The following PLEKHG1 variants were observed in gnomAD, a reference collection of about 807,000 sequenced individuals.
PLEKHG1 encodes pleckstrin homology and RhoGEF domain containing G1.
In PLEKHG1, 44 loss-of-function variants were observed where a neutral mutation model predicts 100.8. The ratio of observed to expected loss-of-function variants is 0.44; its 90% CI spans 0.34 to 0.56. The LOEUF (loss-of-function observed/expected upper bound fraction) is 0.56, where lower values mean the gene tolerates loss of function less well. PLEKHG1 is among the 20% of genes least tolerant of loss of function. The pLI is 0.01. For missense variants in PLEKHG1, 1,545 were observed against 1,720.9 expected, an observed-to-expected ratio of 0.90 and a Z score of 1.81; for synonymous variants, 640 against 662.5, an observed-to-expected ratio of 0.97 and a Z score of 0.52.
At chr6:150,710,987 G>A (rs1781222661) in intron 3 of PLEKHG1, among the ~76,000 whole-genome samples, 1 of 152,176 alleles carries the variant, frequency 6.6e-6, no homozygotes, top group Admixed American at 6.5e-5. Flanking sequence ...CCTTCAGTGT[G>A]TCTGCCTGGC....
chr6:150,755,258 G>A (rs1783768171), intron 2 of PLEKHG1, among the ~76,000 whole-genome samples: 1 of 152,112 alleles, frequency 6.6e-6, no homozygotes. Flanking sequence ...CTATAGGCAT[G>A]AGCCACCGCG....
At chr6:150,649,648 G>A (rs1244132212) in intron 2 of PLEKHG1, among the ~76,000 whole-genome samples, 6 of 152,106 alleles carry the variant, frequency 3.9e-5, no homozygotes, top group African/African-American at 1.2e-4. Flanking sequence ...AGGCCGAGGC[G>A]GGCAGATCAC....
chr6:150,822,637 C>T (rs1776369844), intron 13 of PLEKHG1, among the ~76,000 whole-genome samples: 1 of 152,180 alleles, frequency 6.6e-6, no homozygotes. Flanking sequence ...CAAGAGTGTC[C>T]ACGTATATTT....
At position 150,636,709 on chromosome 6, in the gene PLEKHG1, TTC is replaced by T. The variant is rs1778017783; in HGVS notation, c.-203-1367_-203-1366del. ...TCTAGGTTGTTCTCATTTTGAAATA[TTC>T]TCTGTTAGAAGTTAGATACCTTGTG... On this transcript the variant is annotated intron_variant, in intron 1 of 3. Transcript: ENST00000367326. Among the ~76,000 whole-genome samples the T allele has an allele frequency of 3.3e-5, 5 of 152,312 alleles. No homozygotes were observed. The South Asian group carries it at 1.0e-3, about 32-fold the overall frequency.
intron 2 of PLEKHG1, among the ~76,000 whole-genome samples, chr6:150,764,144 T>C (rs1287469078): frequency 6.8e-6 from 1 of 146,534 alleles, no homozygotes; most frequent in Non-Finnish European, 1.5e-5. Flanking sequence ...TAAGACAGAG[T>C]TTAGCTCTTG....
chr6:150,839,789 G>C lies in PLEKHG1; in HGVS notation c.3095-44G>C. On this transcript the variant is annotated intron_variant, in intron 15 of 15. Coordinates refer to ENST00000358517, the Ensembl canonical transcript of PLEKHG1. ...TCTTATTTTTAATCTTCACGTATAG[G>C]AATTATCCTGTGTGTATTTACTGTT... 5 of 1,168,600 alleles carry C rather than the reference G, an allele frequency of 4.3e-6. 1 individual carries two copies. The South Asian group carries it at 5.4e-5, about 13-fold the overall frequency. 72.4% of individuals were successfully genotyped at this position (1,168,600 alleles called of 1,614,324 possible).
intron 2 of PLEKHG1, among the ~76,000 whole-genome samples, chr6:150,749,361 G>A (rs374065748): frequency 6.6e-6 from 1 of 152,286 alleles, no homozygotes. Flanking sequence ...CTTCATCTAC[G>A]ACCAGCTGCC....
chr6:150,759,880 C>G (rs1157340077), intron 2 of PLEKHG1, among the ~76,000 whole-genome samples: 1 of 151,974 alleles, frequency 6.6e-6, no homozygotes, highest in Admixed American at 6.6e-5. Context: ...AGCCTATAAC[C>G]CCAGCTACTG....
At chr6:150,680,984 A>T (rs1779909139) in intron 3 of PLEKHG1, among the ~76,000 whole-genome samples, 2 of 152,262 alleles carry the variant, frequency 1.3e-5, no homozygotes, top group African/African-American at 4.8e-5. Flanking sequence ...AGTAATCTCT[A>T]GGCATAATGC....
chr6:150,677,290 A>G (rs1779791355), intron 3 of PLEKHG1, among the ~76,000 whole-genome samples: 1 of 151,452 alleles, frequency 6.6e-6, no homozygotes, highest in African/African-American at 2.4e-5. Context: ...CCCTATACAC[A>G]CACACACACA....
chr6:150,721,306 G>A (rs77752246), intron 1 of PLEKHG1: 3 of 285,624 alleles, frequency 1.1e-5, no homozygotes, highest in Non-Finnish European at 1.6e-5. Flanking sequence ...GGTCGCAGGG[G>A]GGGCTTTCTT....
chr6:150,799,732 T>C (rs981903695), intron 5 of PLEKHG1, among the ~76,000 whole-genome samples: 1 of 152,242 alleles, frequency 6.6e-6, no homozygotes, highest in South Asian at 2.1e-4. Flanking sequence ...ATGGTTTAAT[T>C]ACGAAACTTC....
intron 2 of PLEKHG1, 75 bp downstream of exon 3, chr6:150,734,167 A>T (rs1432837034): frequency 2.1e-6 from 3 of 1,426,162 alleles, no homozygotes; most frequent in African/African-American, 1.4e-5. Flanking sequence ...AAGCCAAGCC[A>T]GGTGTAGGGG....
chr6:150,709,667 G>T (rs1329104588), intron 3 of PLEKHG1, among the ~76,000 whole-genome samples: 2 of 152,214 alleles, frequency 1.3e-5, no homozygotes, highest in Non-Finnish European at 2.9e-5. Context: ...GTCTGGGAGA[G>T]CTGAGATTCT....
chr6:150,727,013 G>T (rs1333368923), intron 1 of PLEKHG1, among the ~76,000 whole-genome samples: 1 of 152,140 alleles, frequency 6.6e-6, no homozygotes, highest in Non-Finnish European at 1.5e-5. Flanking sequence ...ATCACTAACT[G>T]GTAGAGTAAC....
At position 150,832,080 on chromosome 6, in the gene PLEKHG1, C is replaced by T. The variant is rs1478996547; in HGVS notation, c.2969C>T (p.Ala990Val). 6.8e-6 allele frequency: 11 copies of T among 1,613,966 alleles called. No homozygotes were observed. In the East Asian group the frequency reaches 1.8e-4, roughly 26 times the overall value. Residue 990 changes from alanine (A) to valine (V), a missense_variant, in exon 15 of 16, where the codon GCG (alanine) becomes GTG (valine). Ala to Val is a moderately conservative substitution (Grantham distance 64). Transcript: ENST00000358517. ...CAGTACAGTCAGAAGATTAAGAAGGCGAATCAACTTTTAAAAGTGAAAAGT... is the reference window on the plus strand; with the variant it reads ...CAGTACAGTCAGAAGATTAAGAAGGTGAATCAACTTTTAAAAGTGAAAAGT...
At chr6:150,809,164 G>A (rs768122084) in exon 8 of PLEKHG1, 73 of 1,614,008 alleles carry the variant, frequency 4.5e-5, no homozygotes, top group Non-Finnish European at 5.6e-5. Flanking sequence ...ACGGGGAACT[G>A]GTGCTTGAGG....
At position 150,834,331 on chromosome 6, in the gene PLEKHG1, T is replaced by C. The variant is rs566682454; in HGVS notation, c.3094+2126T>C. On this transcript the variant is annotated intron_variant, in intron 15 of 15. Coordinates refer to ENST00000358517, the Ensembl canonical transcript of PLEKHG1. ...AATTTTGGTGGGGTAGGGGAATATA[T>C]ATGGCCTTAGAAACAGTTGTATATT... 1.1e-4 allele frequency among the ~76,000 whole-genome samples: 17 copies of C among 152,284 alleles called. No individual in the cohort carries two copies. The South Asian group carries it at 2.7e-3, about 24-fold the overall frequency.
rs375624173 is a variant in PLEKHG1 at position 150,831,319 on chromosome 6, G to A, written c.2208G>A (p.Ala736=). Reference sequence around the variant, plus strand: ...GCCAAAGCACGCATGAACTCCAAGCGGTTGAGGAGAACATCTATGACACCA... The same window carrying A: ...GCCAAAGCACGCATGAACTCCAAGCAGTTGAGGAGAACATCTATGACACCA... Residue 736 remains alanine, a synonymous_variant, in exon 15 of 16, where the codon GCG becomes GCA. Coordinates refer to ENST00000358517, the Ensembl canonical transcript of PLEKHG1. This position sits in a 1 kb window ranked among gnomAD's most constrained non-coding sequence, Gnocchi z 4.1. 4.2e-5 allele frequency: 67 copies of A among 1,614,118 alleles called. No homozygotes were observed. In the East Asian group the frequency reaches 6.7e-4, roughly 16 times the overall value.
Sources: gnomAD v4.1 joint callset for allele counts (sites outside exome capture counted in the v4.1 genomes callset) on GRCh38, gnomAD v4.1.1 for gene constraint, Gnocchi (gnomAD v3.1) non-coding constraint, MANE v1.5 for transcripts, NCBI Gene and HGNC (gene_info 2026-07-23, HGNC 2026-07-21) for gene names.